Variants in COL5A1 observed in about 807,000 individuals in gnomAD.
The protein encoded by COL5A1 is collagen alpha-1(V) chain.
In COL5A1, 16 loss-of-function variants were observed where a neutral mutation model predicts 263.7. The observed-to-expected ratio is 0.06, with a 90% confidence interval of 0.04 to 0.09. The LOEUF (loss-of-function observed/expected upper bound fraction) is 0.09. Among genes scored for constraint, COL5A1 ranks in the 10% least tolerant of loss-of-function variants. COL5A1 has a pLI of 1.00. For missense variants in COL5A1, 2,036 were observed against 2,540.5 expected, an observed-to-expected ratio of 0.80 and a Z score of 4.27; for synonymous variants, 1,012 against 1,004.5, an observed-to-expected ratio of 1.01 and a Z score of -0.14.
chr9:134,796,491 G>A (rs1419342016), intron 35 of COL5A1, 73 bp downstream of exon 35: 2 of 1,481,108 alleles, frequency 1.4e-6, no homozygotes, highest in Non-Finnish European at 1.9e-6. Flanking sequence ...ACTTTGTCCT[G>A]GGGTGGGCTG....
At chr9:134,691,509 A>T (rs1833278697) in intron 2 of COL5A1, 1 of 205,360 alleles carries the variant, frequency 4.9e-6, no homozygotes, top group Non-Finnish European at 1.0e-5. Flanking sequence ...ACGATGAATC[A>T]AACGTCGTGA....
At chr9:134,740,924 G>C (rs1005222576) in intron 11 of COL5A1, among the ~76,000 whole-genome samples, 14 of 152,146 alleles carry the variant, frequency 9.2e-5, no homozygotes, top group Non-Finnish European at 2.1e-4. Flanking sequence ...ACTCCTCCAG[G>C]GTCTGCCATC....
At chr9:134,780,061 C>T (rs960669245) in intron 27 of COL5A1, 41 bp from the exon 28 acceptor site, 5 of 1,611,682 alleles carry the variant, frequency 3.1e-6, no homozygotes, top group Non-Finnish European at 4.2e-6. Context: ...AAGGCTGAGA[C>T]TTGTAACCAT....
At chr9:134,746,075 G>A (rs1418651553) in intron 11 of COL5A1, among the ~76,000 whole-genome samples, 38 of 152,170 alleles carry the variant, frequency 2.5e-4, no homozygotes, top group South Asian at 6.2e-4. Flanking sequence ...GCACAGTCAC[G>A]TGTTTCAGGA....
chr9:134,816,685 G>A (rs56356850), intron 52 of COL5A1, among the ~76,000 whole-genome samples: 15,710 of 152,286 alleles, frequency 0.1, 940 homozygotes, highest in African/African-American at 0.16. Context: ...GTCCTGGGAC[G>A]ATTCTTGTCC....
intron 1 of COL5A1, among the ~76,000 whole-genome samples, chr9:134,643,308 G>T (rs764938639): frequency 3.3e-5 from 5 of 152,174 alleles, no homozygotes; most frequent in Non-Finnish European, 7.3e-5. Context: ...CGGGGAGATG[G>T]AGGCTCAGAG....
chr9:134,747,643 T>A (rs1458203600), intron 11 of COL5A1, among the ~76,000 whole-genome samples: 1 of 148,212 alleles, frequency 6.7e-6, no homozygotes, highest in African/African-American at 2.5e-5. Context: ...ACACATGCAT[T>A]CATACACATG....
intron 65 of COL5A1, among the ~76,000 whole-genome samples, chr9:134,839,198 C>A (rs918765777): frequency 1.3e-5 from 2 of 152,204 alleles, no homozygotes; most frequent in Non-Finnish European, 2.9e-5. Context: ...TGGAGAGGCA[C>A]AAATCACCTG....
Position 134,676,129 on chromosome 9 carries a change from G to C in COL5A1, c.110-14783G>C, listed in dbSNP as rs114447652. Among the ~76,000 whole-genome samples the C allele has an allele frequency of 7.9e-3, 1,205 of 152,246 alleles. 16 individuals carry two copies. The highest frequency in any genetic ancestry group is 0.027 in the African/African-American group (1,132 of 41,524). On this transcript the variant is annotated intron_variant, in intron 1 of 65. Transcript: ENST00000371817. ...AATTTTTATGAAGTGGAGGGATATAGAGAATGATAAGCAGACCTTCCCCTT... is the reference window on the plus strand; with the variant it reads ...AATTTTTATGAAGTGGAGGGATATACAGAATGATAAGCAGACCTTCCCCTT...
intron 61 of COL5A1, among the ~76,000 whole-genome samples, chr9:134,823,834 TGTG>T (rs1839130612): frequency 6.6e-6 from 1 of 151,280 alleles, no homozygotes; most frequent in Non-Finnish European, 1.5e-5. Context: ...GCATGTGTAA[TGTG>T]TGTGTACATG....
At chr9:134,831,634 C>T (rs1425109206) in intron 64 of COL5A1, among the ~76,000 whole-genome samples, 3 of 152,200 alleles carry the variant, frequency 2.0e-5, no homozygotes, top group Admixed American at 1.3e-4. Context: ...TGCAGTCTTG[C>T]GGGTAGTTAC....
chr9:134,782,591 T>C (rs1340689044), intron 28 of COL5A1, 76 bp from the exon 29 acceptor site: 1 of 1,380,910 alleles, frequency 7.2e-7, no homozygotes, highest in East Asian at 2.3e-5. Context: ...AGTGTGGTTG[T>C]TTGGAGCGGG....
rs1203448875 is a variant in COL5A1, at chr9:134,742,249, G to A, written c.1494+3441G>A. Among the ~76,000 whole-genome samples the A allele has an allele frequency of 6.6e-6, 1 of 152,174 alleles. No homozygotes were observed. The highest frequency in any genetic ancestry group is 1.5e-5 in the Non-Finnish European group (1 of 68,036). ...GCTCTTGTGCCCACGGCTGCCCGCA[G>A]GGAGCAGAGTGCAAGGAGAGGCACA... On this transcript the variant is annotated intron_variant, in intron 11 of 65. Transcript: ENST00000371817. This position sits in a 1 kb window ranked among gnomAD's most constrained non-coding sequence, Gnocchi z 4.6.
At chr9:134,654,146 G>T (rs1257350890) in intron 1 of COL5A1, among the ~76,000 whole-genome samples, 3 of 145,968 alleles carry the variant, frequency 2.1e-5, no homozygotes, top group Non-Finnish European at 4.5e-5. Flanking sequence ...GGGTGTGTAG[G>T]GCTGGGGGTA....
intron 2 of COL5A1, among the ~76,000 whole-genome samples, chr9:134,693,249 G>C (rs1053015114): frequency 6.6e-6 from 1 of 151,972 alleles, no homozygotes; most frequent in Non-Finnish European, 1.5e-5. Context: ...CGAGGTTACC[G>C]TGACACAGTG....
intron 1 of COL5A1, among the ~76,000 whole-genome samples, chr9:134,669,241 C>G (rs1039890906): frequency 2.0e-5 from 1 of 50,890 alleles, no homozygotes; most frequent in Non-Finnish European, 3.6e-5. Flanking sequence ...CCTTTCCTTC[C>G]CTTCCCTTCC....
In COL5A1 at chr9:134,701,261, C is replaced by T. The variant is rs563191799; in HGVS notation, c.582C>T (p.Ser194=). 37 of 1,614,024 alleles carry T rather than the reference C, an allele frequency of 2.3e-5. No individual in the cohort carries two copies. Among genetic ancestry groups the T allele is most frequent in the Non-Finnish European group, 2.7e-5 (32 of 1,180,018 alleles). Residue 194 remains serine, a synonymous_variant, in exon 4 of 66, where the codon AGC becomes AGT. Coordinates refer to ENST00000371817, the MANE Select transcript of COL5A1 (RefSeq NM_000093.5). ...KKKTTKFLDR[S]DHPMIDINGI... is the part of the protein sequence containing the mutation. ...AGACCACCAAATTCCTCGACCGCAG[C>T]GACCACCCCATGATCGACATCAATG...
Position 134,680,473 on chromosome 9 carries a change from A to C in COL5A1, c.110-10439A>C, listed in dbSNP as rs954499097. 1.3e-5 allele frequency among the ~76,000 whole-genome samples: 2 copies of C among 152,174 alleles called. No individual in the cohort carries two copies. The highest frequency in any genetic ancestry group is 2.9e-5 in the Non-Finnish European group (2 of 68,028). On this transcript the variant is annotated intron_variant, in intron 1 of 65. Coordinates refer to ENST00000371817, the MANE Select transcript of COL5A1 (RefSeq NM_000093.5). The surrounding 1 kb of genome is among the most constrained non-coding windows in gnomAD (Gnocchi z 5.9). ...CCGGCACACCTGTACCTGTTCCTCC[A>C]TGACCCATGGCTGAGGACACCAACC...
chr9:134,767,148 C>T, intron 23 of COL5A1, 95 bp downstream of exon 23: 2 of 1,490,544 alleles, frequency 1.3e-6, no homozygotes, highest in Non-Finnish European at 1.9e-6. Flanking sequence ...GGAGCTCTGT[C>T]CCCTCCAAGT....
Sources: gnomAD v4.1 joint callset for allele counts (sites outside exome capture counted in the v4.1 genomes callset) on GRCh38, gnomAD v4.1.1 for gene constraint, Gnocchi (gnomAD v3.1) non-coding constraint, MANE v1.5 for transcripts, NCBI Gene and HGNC (gene_info 2026-07-23, HGNC 2026-07-21) for gene names.